Variants in MNAT1 observed in about 807,000 individuals in gnomAD.
MNAT1 encodes the protein CDK-activating kinase assembly factor MAT1.
Under a neutral mutation model 42.0 loss-of-function variants are expected in MNAT1, and 43 were observed. The observed-to-expected ratio is 1.02, with a 90% CI of 0.80 to 1.32. The LOEUF is 1.32. Among genes scored for constraint, MNAT1 ranks in the 40% most tolerant of loss-of-function variants. MNAT1 has a pLI of 0.00. For missense variants in MNAT1, 306 were observed against 350.4 expected (o/e 0.87, Z 1.01); for synonymous variants, 118 against 120.0 (o/e 0.98, Z 0.11).
chr14:60,853,513 T>A (rs540787239), intron 6 of MNAT1, among the ~76,000 whole-genome samples: 3 of 152,320 alleles, frequency 2.0e-5, no homozygotes, highest in African/African-American at 7.2e-5. Flanking sequence ...TGACTTCCTC[T>A]CTTCCTATTC....
intron 3 of MNAT1, chr14:60,799,394 A>G: frequency 2.0e-6 from 2 of 985,382 alleles, no homozygotes; most frequent in Non-Finnish European, 2.4e-6. Context: ...GTATGAAGGT[A>G]TGTAGAAATC....
At chr14:60,898,579 TC>T (rs2035010701) in intron 7 of MNAT1, among the ~76,000 whole-genome samples, 1 of 152,158 alleles carries the variant, frequency 6.6e-6, no homozygotes, top group Non-Finnish European at 1.5e-5. Flanking sequence ...AAGTTTCTAT[TC>T]ATATTCTTTG....
At chr14:60,822,387 G>A (rs1029641268) in intron 6 of MNAT1, among the ~76,000 whole-genome samples, 15 of 152,038 alleles carry the variant, frequency 9.9e-5, no homozygotes, top group African/African-American at 3.4e-4. Flanking sequence ...ATCCATTGTG[G>A]CAAAGTTGCT....
intron 1 of MNAT1, among the ~76,000 whole-genome samples, chr14:60,769,548 T>A (rs2030972696): frequency 6.6e-6 from 1 of 152,180 alleles, no homozygotes; most frequent in African/African-American, 2.4e-5. Context: ...CCTCCCTAAG[T>A]GTTGCGATTA....
chr14:60,816,475 G>T (rs944131368), intron 5 of MNAT1, among the ~76,000 whole-genome samples: 1 of 151,956 alleles, frequency 6.6e-6, no homozygotes, highest in Non-Finnish European at 1.5e-5. Flanking sequence ...TAGAAATATT[G>T]TTTGCCAGAT....
At position 60,756,994 on chromosome 14, in the gene MNAT1, A is replaced by G. The variant is rs543738882; in HGVS notation, c.89+22043A>G. Among the ~76,000 whole-genome samples, 4 of 152,234 alleles carry G rather than the reference A, an allele frequency of 2.6e-5. No individual in the cohort carries two copies. In the East Asian group the frequency reaches 7.7e-4, roughly 29 times the overall value. On this transcript the variant is annotated intron_variant, in intron 1 of 7. Transcript: ENST00000261245. Reference sequence around the variant, plus strand: ...TGTATTTGACCTGGACTAGAACTTGATTTTAAGATGTCATCAGCTGTGAGT... The same window carrying G: ...TGTATTTGACCTGGACTAGAACTTGGTTTTAAGATGTCATCAGCTGTGAGT...
At chr14:60,863,080 A>G (rs2034132979) in intron 6 of MNAT1, among the ~76,000 whole-genome samples, 2 of 152,296 alleles carry the variant, frequency 1.3e-5, no homozygotes, top group East Asian at 1.9e-4. Flanking sequence ...AACAACAACA[A>G]CAAAGAAAAT....
chr14:60,841,168 T>C (rs1046558309), intron 6 of MNAT1, among the ~76,000 whole-genome samples: 10 of 151,864 alleles, frequency 6.6e-5, no homozygotes, highest in African/African-American at 2.4e-4. Flanking sequence ...TCCATTTCCT[T>C]TTCCCTTTCC....
intron 7 of MNAT1, among the ~76,000 whole-genome samples, chr14:60,963,056 G>A (rs1431634041): frequency 1.3e-5 from 2 of 151,822 alleles, no homozygotes; most frequent in East Asian, 1.9e-4. Flanking sequence ...ATCTTGGCTC[G>A]CTGCGACCTC....
chr14:60,747,196 G>A (rs531279625), intron 1 of MNAT1, among the ~76,000 whole-genome samples: 33 of 151,730 alleles, frequency 2.2e-4, no homozygotes, highest in African/African-American at 8.0e-4. Flanking sequence ...ATGTTAGCCA[G>A]GATGGTCTTG....
intron 1 of MNAT1, among the ~76,000 whole-genome samples, chr14:60,784,695 C>T (rs888040741): frequency 6.6e-6 from 1 of 151,690 alleles, no homozygotes; most frequent in Non-Finnish European, 1.5e-5. Context: ...GAACTCCTGA[C>T]TTTGTGATCC....
Position 60,818,720 on chromosome 14 carries a change from A to T in MNAT1, c.562-2A>T. 3 of 1,593,494 alleles carry T rather than the reference A, an allele frequency of 1.9e-6. No homozygotes were observed. The highest frequency in any genetic ancestry group is 2.6e-6 in the Non-Finnish European group (3 of 1,169,594). The stretch of plus-strand genomic sequence containing the variant: ...CTTATTGAACTTGAACTATTCTTAC[A>T]GGAGAGTTCTGATCTCCCTGTTGCT... On this transcript the variant is annotated splice_acceptor_variant, in intron 5 of 7. Coordinates refer to ENST00000261245, the MANE Select transcript of MNAT1 (RefSeq NM_002431.4). LOFTEE classifies it high-confidence loss of function.
intron 7 of MNAT1, among the ~76,000 whole-genome samples, chr14:60,899,377 T>C (rs911564493): frequency 1.3e-5 from 2 of 152,166 alleles, no homozygotes; most frequent in Non-Finnish European, 2.9e-5. Context: ...ATAATTGTAG[T>C]AGTTATGATG....
intron 1 of MNAT1, among the ~76,000 whole-genome samples, chr14:60,738,465 A>C (rs1896371806): frequency 6.6e-6 from 1 of 152,074 alleles, no homozygotes; most frequent in South Asian, 2.1e-4. Flanking sequence ...TATGTTGGCC[A>C]GGCTGGTCTC....
intron 1 of MNAT1, among the ~76,000 whole-genome samples, chr14:60,759,908 A>G (rs751709619): frequency 4.6e-5 from 7 of 152,180 alleles, no homozygotes; most frequent in Non-Finnish European, 7.4e-5. Flanking sequence ...AATTATAAGA[A>G]CAGTTTTTAC....
At chr14:60,863,407 A>G (rs749153885) in intron 6 of MNAT1, among the ~76,000 whole-genome samples, 5 of 152,112 alleles carry the variant, frequency 3.3e-5, no homozygotes, top group Non-Finnish European at 5.9e-5. Context: ...GGGATTAATT[A>G]GTAATCTTTA....
At chr14:60,909,921 G>A (rs572236953) in intron 7 of MNAT1, among the ~76,000 whole-genome samples, 368 of 152,066 alleles carry the variant, frequency 2.4e-3, no homozygotes, top group Non-Finnish European at 3.9e-3. Flanking sequence ...GGGCAGTATG[G>A]CCATTTTCAC....
intron 1 of MNAT1, among the ~76,000 whole-genome samples, chr14:60,738,783 C>T (rs1896383419): frequency 6.6e-6 from 1 of 152,186 alleles, no homozygotes; most frequent in Non-Finnish European, 1.5e-5. Context: ...GATCCACCCG[C>T]TTTGGCATCC....
intron 6 of MNAT1, among the ~76,000 whole-genome samples, chr14:60,846,234 T>C (rs1028750333): frequency 2.6e-5 from 4 of 152,084 alleles, no homozygotes; most frequent in Non-Finnish European, 5.9e-5. Flanking sequence ...CAGTTTCTTC[T>C]AAGTTGAATT....
Sources: allele counts gnomAD v4.1 joint callset (sites outside exome capture counted in the v4.1 genomes callset), GRCh38; gene constraint gnomAD v4.1.1; transcripts MANE v1.5; gene names NCBI Gene and HGNC (gene_info 2026-07-23, HGNC 2026-07-21).